Variants in TBX5 observed in about 807,000 individuals in gnomAD.
The protein encoded by TBX5 is T-box transcription factor 5.
In TBX5, 8 loss-of-function variants were observed where a neutral mutation model predicts 51.1. The observed-to-expected ratio is 0.16, with a 90% confidence interval of 0.09 to 0.28. TBX5 has a LOEUF of 0.28. TBX5 is among the 10% of genes least tolerant of loss of function. The pLI, the probability that TBX5 is intolerant of heterozygous loss-of-function variation, is 1.00. For missense variants in TBX5, 589 were observed against 671.7 expected, an observed-to-expected ratio of 0.88 and a Z score of 1.36; for synonymous variants, 302 against 266.4, an observed-to-expected ratio of 1.13 and a Z score of -1.30.
intron 7 of TBX5, among the ~76,000 whole-genome samples, chr12:114,379,202 C>T (rs1385761901): frequency 1.3e-5 from 2 of 152,190 alleles, no homozygotes; most frequent in African/African-American, 2.4e-5. Context: ...GCATGACCCA[C>T]CAATCACAGA....
At chr12:114,395,539 C>T (rs919879982) in intron 5 of TBX5, among the ~76,000 whole-genome samples, 1 of 152,204 alleles carries the variant, frequency 6.6e-6, no homozygotes, top group Non-Finnish European at 1.5e-5. Context: ...GTGATCTGCC[C>T]TCCAAGGATG....
intron 6 of TBX5, among the ~76,000 whole-genome samples, chr12:114,392,590 C>T (rs903262773): frequency 1.3e-5 from 2 of 152,148 alleles, no homozygotes; most frequent in African/African-American, 4.8e-5. Flanking sequence ...CTACCCTTTC[C>T]TATCCTCCTG....
intron 6 of TBX5, among the ~76,000 whole-genome samples, chr12:114,394,407 T>C (rs1871309539): frequency 6.6e-6 from 1 of 152,164 alleles, no homozygotes; most frequent in South Asian, 2.1e-4. Context: ...ACCAGAGCCA[T>C]TAAGCAACCT....
chr12:114,385,969 T>C (rs543326056), intron 6 of TBX5, among the ~76,000 whole-genome samples: 2 of 152,230 alleles, frequency 1.3e-5, no homozygotes, highest in South Asian at 4.1e-4. Context: ...AGCGTAGTCA[T>C]CTCCATTGGA....
chr12:114,389,914 G>C (rs1329278869), intron 6 of TBX5, among the ~76,000 whole-genome samples: 1 of 151,826 alleles, frequency 6.6e-6, no homozygotes, highest in African/African-American at 2.4e-5. Flanking sequence ...GAGAATTAGT[G>C]CTCAGTCCAT....
chr12:114,378,176 C>T (rs1355296093), intron 7 of TBX5, among the ~76,000 whole-genome samples: 1 of 152,182 alleles, frequency 6.6e-6, no homozygotes, highest in South Asian at 2.1e-4. Context: ...TACTTAGCCC[C>T]TGATAATGCT....
intron 3 of TBX5, among the ~76,000 whole-genome samples, chr12:114,400,700 G>T (rs546155111): frequency 1.3e-5 from 2 of 152,344 alleles, no homozygotes; most frequent in African/African-American, 4.8e-5. Flanking sequence ...CTCAGGCTCG[G>T]GGGGAAAGAG....
At chr12:114,359,392 A>G (rs1209553233) in intron 8 of TBX5, among the ~76,000 whole-genome samples, 7 of 152,188 alleles carry the variant, frequency 4.6e-5, no homozygotes, top group African/African-American at 1.4e-4. Context: ...TGAGAGCCCA[A>G]TAACTGTTCA....
Position 114,354,794 on chromosome 12 carries a change from T to A in TBX5, c.*738A>T, listed in dbSNP as rs553621044. The A allele has an allele frequency of 3.9e-5, 6 of 152,912 alleles. No homozygotes were observed. The highest frequency in any genetic ancestry group is 1.2e-4 in the African/African-American group (5 of 41,420). The allele number at this position is 152,912 out of a possible 1,614,324, so 9.5% of individuals were successfully genotyped here. On this transcript the variant is annotated 3_prime_UTR_variant, in exon 9 of 9. Coordinates refer to ENST00000405440, the MANE Select transcript of TBX5 (RefSeq NM_181486.4). ...GAGCTGGCAAGATGGTAGGGCTGAATAAGATAGGATGCCAGGGAGCGTCAG... is the reference window on the plus strand; with the variant it reads ...GAGCTGGCAAGATGGTAGGGCTGAAAAAGATAGGATGCCAGGGAGCGTCAG...
At chr12:114,396,186 C>CGCGGCTGCCCGG (rs976500008) in intron 5 of TBX5, among the ~76,000 whole-genome samples, 4 of 151,898 alleles carry the variant, frequency 2.6e-5, no homozygotes, top group African/African-American at 9.7e-5. Context: ...TCGCGGGCCC[C>CGCGGCTGCCCGG]GCGGCTGCCC....
intron 6 of TBX5, among the ~76,000 whole-genome samples, chr12:114,391,386 T>C (rs1442284541): frequency 6.6e-6 from 1 of 152,192 alleles, no homozygotes; most frequent in African/African-American, 2.4e-5. Context: ...ACAAAGAGTT[T>C]TCCGAAGTCT....
At position 114,379,748 on chromosome 12, in the gene TBX5, C is replaced by T. The variant is rs569708055; in HGVS notation, c.755+5728G>A. On this transcript the variant is annotated intron_variant, in intron 7 of 8. Transcript: ENST00000405440. ...CTGGGCCTGTTTCCATCCATGGACC[C>T]TGGTCCCCTGTGTGTTGATTCATCC... Among the ~76,000 whole-genome samples the T allele has an allele frequency of 2.6e-5, 4 of 152,360 alleles. No homozygotes were observed. In the South Asian group the frequency reaches 8.3e-4, roughly 32 times the overall value.
chr12:114,366,453 C>A, intron 7 of TBX5, 62 bp from the exon 8 acceptor site: 1 of 1,537,454 alleles, frequency 6.5e-7, no homozygotes, highest in Non-Finnish European at 9.0e-7. Context: ...TCCTGAGTGG[C>A]TGAACCAGGT....
intron 8 of TBX5, among the ~76,000 whole-genome samples, chr12:114,365,753 C>G (rs1037817663): frequency 1.9e-4 from 28 of 150,056 alleles, no homozygotes; most frequent in African/African-American, 5.2e-4. Context: ...TCACTTAAGC[C>G]CAGGTGGTTG....
intron 7 of TBX5, among the ~76,000 whole-genome samples, chr12:114,377,043 G>A (rs1249076011): frequency 6.6e-6 from 1 of 152,122 alleles, no homozygotes; most frequent in South Asian, 2.1e-4. Context: ...ACTTAGGCTG[G>A]CTCAGCTCCC....
intron 7 of TBX5, among the ~76,000 whole-genome samples, chr12:114,380,921 A>AT (rs149478282): frequency 6.6e-6 from 1 of 152,032 alleles, no homozygotes; most frequent in African/African-American, 2.4e-5. Flanking sequence ...TTAGGATTAG[A>AT]TTTTTTTTAA....
At chr12:114,396,152 G>C (rs995578385) in intron 5 of TBX5, among the ~76,000 whole-genome samples, 1 of 151,986 alleles carries the variant, frequency 6.6e-6, no homozygotes, top group Non-Finnish European at 1.5e-5. Flanking sequence ...AGCCGCGGCC[G>C]GGGGCGGGGG....
intron 6 of TBX5, among the ~76,000 whole-genome samples, chr12:114,386,910 A>G (rs1212291113): frequency 6.6e-6 from 1 of 151,326 alleles, no homozygotes. Context: ...CCTGGCCAAC[A>G]TGGTAAAACC....
chr12:114,406,109 A>AGTGAC lies in TBX5; in HGVS notation c.-525_-521dup. ...AATACAAGCCAACTCAGCTGAGCACAGTGACGTTGGGTTGCCTCGATGCTC... is the reference window on the plus strand; with the variant it reads ...AATACAAGCCAACTCAGCTGAGCACAGTGACGTGACGTTGGGTTGCCTCGATGCTC... On this transcript the variant is annotated 5_prime_UTR_variant, in exon 1 of 9. Transcript: ENST00000405440. The AGTGAC allele has an allele frequency of 1.1e-6, 1 of 898,360 alleles. No individual in the cohort carries two copies. Among genetic ancestry groups the AGTGAC allele is most frequent in the Non-Finnish European group, 1.3e-6 (1 of 750,824 alleles). 55.6% of individuals were successfully genotyped at this position (898,360 alleles called of 1,614,324 possible).
Sources: allele counts gnomAD v4.1 joint callset (sites outside exome capture counted in the v4.1 genomes callset), GRCh38; gene constraint gnomAD v4.1.1; transcripts MANE v1.5; gene names NCBI Gene and HGNC (gene_info 2026-07-23, HGNC 2026-07-21).